C1QTNF7: variants seen among roughly 807,000 people sequenced by gnomAD.
The protein encoded by C1QTNF7 is C1q and TNF related 7.
In C1QTNF7, 15 loss-of-function variants were observed where a neutral mutation model predicts 19.6. That is an observed-to-expected ratio of 0.76 (90% CI 0.51 to 1.18). C1QTNF7 has a LOEUF of 1.18. C1QTNF7 is among the 50% of genes most tolerant of loss of function. C1QTNF7 has a pLI of 0.00. For missense variants in C1QTNF7, 324 were observed against 359.7 expected (o/e 0.90, Z 0.80); for synonymous variants, 142 against 137.5 (o/e 1.03, Z -0.23).
intron 1 of C1QTNF7, among the ~76,000 whole-genome samples, chr4:15,359,854 G>A (rs755904910): frequency 6.6e-5 from 10 of 152,158 alleles, no homozygotes; most frequent in South Asian, 2.1e-4. Context: ...ATGGCCCTTC[G>A]CCCAGAGACA....
chr4:15,373,063 G>A (rs1296052674), intron 1 of C1QTNF7, among the ~76,000 whole-genome samples: 1 of 152,148 alleles, frequency 6.6e-6, no homozygotes, highest in Non-Finnish European at 1.5e-5. Context: ...CATTAGTACT[G>A]CTATAACAAA....
At chr4:15,378,692 A>G (rs999606466) in intron 1 of C1QTNF7, among the ~76,000 whole-genome samples, 1 of 152,212 alleles carries the variant, frequency 6.6e-6, no homozygotes, top group African/African-American at 2.4e-5. Context: ...TGTGGCTTCA[A>G]GTCTGAAATT....
At chr4:15,387,569 G>A (rs1025131641) in intron 1 of C1QTNF7, among the ~76,000 whole-genome samples, 1 of 152,198 alleles carries the variant, frequency 6.6e-6, no homozygotes, top group Non-Finnish European at 1.5e-5. Context: ...AGAAGAAAGA[G>A]GGAGAAGCAA....
chr4:15,427,021 A>T (rs1256779357), upstream of C1QTNF7, among the ~76,000 whole-genome samples: 2 of 152,198 alleles, frequency 1.3e-5, no homozygotes. Flanking sequence ...CATTGTTTTG[A>T]CCATCCTATG....
intron 1 of C1QTNF7, among the ~76,000 whole-genome samples, chr4:15,384,378 T>C (rs750873512): frequency 1.7e-4 from 26 of 152,230 alleles, no homozygotes; most frequent in Non-Finnish European, 3.4e-4. Context: ...TGCATATATT[T>C]TGCCTTTCAA....
At chr4:15,434,441 A>T (rs1236658397) in intron 1 of C1QTNF7, among the ~76,000 whole-genome samples, 2 of 152,284 alleles carry the variant, frequency 1.3e-5, no homozygotes, top group Middle Eastern at 3.4e-3. Context: ...AAACAAAAGA[A>T]ATTTCATCTG....
chr4:15,374,145 G>A (rs1174559243), intron 1 of C1QTNF7: 6 of 152,228 alleles, frequency 3.9e-5, no homozygotes, highest in Non-Finnish European at 8.8e-5. Flanking sequence ...GCACTGGCTT[G>A]ACAGTCGGCT....
At chr4:15,382,560 G>T (rs560466297) in intron 1 of C1QTNF7, among the ~76,000 whole-genome samples, 2 of 152,186 alleles carry the variant, frequency 1.3e-5, no homozygotes, top group East Asian at 3.9e-4. Flanking sequence ...ATCTCACCTG[G>T]TCAATATGTA....
rs369616380 is a variant in C1QTNF7, at chr4:15,368,666, A to G, written c.13+28459A>G. On this transcript the variant is annotated intron_variant, in intron 1 of 2. Coordinates refer to the C1QTNF7 transcript ENST00000295297. ...TAGTATTCCATGGTGTATATGTGCCACATTTTCTTAATCCATTCTATAATT... is the reference window on the plus strand; with the variant it reads ...TAGTATTCCATGGTGTATATGTGCCGCATTTTCTTAATCCATTCTATAATT... 3.4e-3 allele frequency among the ~76,000 whole-genome samples: 523 copies of G among 152,362 alleles called. 1 individual carries two copies. Among genetic ancestry groups the G allele is most frequent in the African/African-American group, 0.012 (504 of 41,596 alleles).
chr4:15,412,950 C>A (rs902773741), intron 1 of C1QTNF7, among the ~76,000 whole-genome samples: 1 of 152,208 alleles, frequency 6.6e-6, no homozygotes, highest in African/African-American at 2.4e-5. Flanking sequence ...ATTTCACTGT[C>A]ACACCAGCAC....
rs536553253 is a variant in C1QTNF7, at chr4:15,341,174, T to G, written c.13+967T>G. ...ACACAAGCGTGCTCACAGGCAAAGATTATAAAACCCTGTGGATTTGACAGA... is the reference window on the plus strand; with the variant it reads ...ACACAAGCGTGCTCACAGGCAAAGAGTATAAAACCCTGTGGATTTGACAGA... On this transcript the variant is annotated intron_variant, in intron 1 of 2. Coordinates refer to the C1QTNF7 transcript ENST00000295297. Among the ~76,000 whole-genome samples, 4 of 152,338 alleles carry G rather than the reference T, an allele frequency of 2.6e-5. No individual in the cohort carries two copies. In the East Asian group the frequency reaches 7.7e-4, roughly 29 times the overall value.
chr4:15,359,480 T>C (rs541643553), intron 1 of C1QTNF7, among the ~76,000 whole-genome samples: 2 of 152,234 alleles, frequency 1.3e-5, no homozygotes, highest in African/African-American at 2.4e-5. Flanking sequence ...TTCTACCTTA[T>C]GTAGAACTCT....
chr4:15,442,801 C>G lies in C1QTNF7; in HGVS notation c.*2C>G. ...ATATCAGAAGATGATGAATTGTGAT[C>G]AGGACCAAGATCCCTGTGGTAAACA... On this transcript the variant is annotated 3_prime_UTR_variant, in exon 3 of 3. Coordinates refer to ENST00000444304, the MANE Select transcript of C1QTNF7 (RefSeq NM_031911.5). 6.3e-7 allele frequency: 1 copy of G among 1,596,954 alleles called. No individual in the cohort carries two copies. Among genetic ancestry groups the G allele is most frequent in the South Asian group, 1.1e-5 (1 of 88,190 alleles).
At chr4:15,366,645 T>C (rs536672493) in intron 1 of C1QTNF7, among the ~76,000 whole-genome samples, 1 of 152,294 alleles carries the variant, frequency 6.6e-6, no homozygotes, top group Non-Finnish European at 1.5e-5. Flanking sequence ...CTGTTTTATT[T>C]TCTTCTCTTT....
intron 1 of C1QTNF7, chr4:15,420,023 G>A (rs10488970): frequency 0.25 from 38,617 of 152,096 alleles, 5,916 homozygotes; most frequent in East Asian, 0.37. Flanking sequence ...AGTCACATAC[G>A]ATTCTCATCA....
At chr4:15,400,970 C>T (rs1718969331) in intron 1 of C1QTNF7, among the ~76,000 whole-genome samples, 1 of 152,052 alleles carries the variant, frequency 6.6e-6, no homozygotes, top group South Asian at 2.1e-4. Context: ...TGTTTTCTGC[C>T]CACACAATTC....
At chr4:15,422,209 TTA>T (rs1491449525) in intron 1 of C1QTNF7, among the ~76,000 whole-genome samples, 2,818 of 51,428 alleles carry the variant, frequency 0.055, 70 homozygotes, top group African/African-American at 0.1. Context: ...CTGTTTTTTT[TTA>T]AAAAAAAAAA....
chr4:15,402,510 C>G (rs1719028515), intron 1 of C1QTNF7, among the ~76,000 whole-genome samples: 1 of 151,826 alleles, frequency 6.6e-6, no homozygotes, highest in South Asian at 2.1e-4. Flanking sequence ...AATTATTTGA[C>G]AGAAAAGAAT....
At chr4:15,400,532 G>A (rs1474357984) in intron 1 of C1QTNF7, among the ~76,000 whole-genome samples, 1 of 152,198 alleles carries the variant, frequency 6.6e-6, no homozygotes, top group African/African-American at 2.4e-5. Flanking sequence ...TTTGGAAATT[G>A]TACAATATTT....
Sources: allele counts gnomAD v4.1 joint callset (sites outside exome capture counted in the v4.1 genomes callset), GRCh38; gene constraint gnomAD v4.1.1; transcripts MANE v1.5; gene names NCBI Gene and HGNC (gene_info 2026-07-23, HGNC 2026-07-21).